PXDC1: variants seen among roughly 807,000 people sequenced by gnomAD.
PXDC1 encodes the protein PX domain-containing protein 1.
A neutral mutation model predicts 24.4 loss-of-function variants in PXDC1; 13 were observed. The observed-to-expected ratio is 0.53, with a 90% CI of 0.35 to 0.85. The LOEUF is 0.85. Among genes scored for constraint, PXDC1 ranks in the 40% least tolerant of loss-of-function variants. The pLI is 0.01. For missense variants in PXDC1, 344 were observed against 309.3 expected (o/e 1.11, Z -0.84); for synonymous variants, 162 against 124.9 (o/e 1.30, Z -1.98).
At chr6:3,733,386 T>C (rs970486529) in intron 3 of PXDC1, among the ~76,000 whole-genome samples, 21 of 152,132 alleles carry the variant, frequency 1.4e-4, no homozygotes, top group Admixed American at 1.2e-3. Flanking sequence ...TTATTGTCAA[T>C]AGTAATTTCA....
chr6:3,738,916 A>G, intron 1 of PXDC1: 1 of 1,302,400 alleles, frequency 7.7e-7, no homozygotes. Context: ...GTAGGTGCCC[A>G]AGGACACTGG....
chr6:3,732,093 T>TC (rs1276037528), intron 3 of PXDC1, among the ~76,000 whole-genome samples: 1 of 152,276 alleles, frequency 6.6e-6, no homozygotes, highest in Admixed American at 6.5e-5. Context: ...AATCAATGGA[T>TC]CTTTTTTGCA....
chr6:3,736,529 G>T (rs1760320476), intron 3 of PXDC1, among the ~76,000 whole-genome samples: 1 of 152,154 alleles, frequency 6.6e-6, no homozygotes, highest in Non-Finnish European at 1.5e-5. Context: ...AAATAGTGCT[G>T]CAAAAAGCAA....
chr6:3,734,571 A>G (rs226969), intron 3 of PXDC1, among the ~76,000 whole-genome samples: 19,064 of 152,152 alleles, frequency 0.13, 2,043 homozygotes, highest in East Asian at 0.26. Context: ...ATAGACACCC[A>G]GCCAGGAAAA....
intron 1 of PXDC1, among the ~76,000 whole-genome samples, chr6:3,750,707 T>C (rs950686154): frequency 5.3e-5 from 8 of 152,102 alleles, no homozygotes; most frequent in African/African-American, 1.9e-4. Flanking sequence ...GGGCCCTGGC[T>C]GTCCGCGGCA....
intron 1 of PXDC1, among the ~76,000 whole-genome samples, chr6:3,747,580 G>A (rs113460093): frequency 1.3e-5 from 2 of 152,012 alleles, no homozygotes; most frequent in Non-Finnish European, 2.9e-5. Flanking sequence ...GCCTAGAATC[G>A]ACTTCCCCAG....
chr6:3,749,251 C>T (rs1357958546), intron 1 of PXDC1, among the ~76,000 whole-genome samples: 1 of 150,896 alleles, frequency 6.6e-6, no homozygotes, highest in Non-Finnish European at 1.5e-5. Flanking sequence ...CCAACAGTTC[C>T]ACGGTGTGCT....
intron 1 of PXDC1, among the ~76,000 whole-genome samples, chr6:3,738,404 G>A (rs891052357): frequency 2.6e-5 from 4 of 152,180 alleles, no homozygotes; most frequent in African/African-American, 9.7e-5. Context: ...GGGGATGGGA[G>A]GTGTAAGATC....
intron 4 of PXDC1, among the ~76,000 whole-genome samples, chr6:3,726,691 A>G (rs898179885): frequency 6.6e-6 from 1 of 152,154 alleles, no homozygotes; most frequent in African/African-American, 2.4e-5. Context: ...CTCTAGTTTC[A>G]ATCTGCTGCT....
chr6:3,730,184 A>G (rs527770842), intron 3 of PXDC1, among the ~76,000 whole-genome samples: 33 of 152,292 alleles, frequency 2.2e-4, no homozygotes, highest in African/African-American at 7.5e-4. Context: ...TTCACTAAAG[A>G]TGGTCCCTGA....
chr6:3,738,114 C>A lies in PXDC1; in HGVS notation c.291G>T (p.Glu97Asp). 1 of 1,614,154 alleles carries A rather than the reference C, an allele frequency of 6.2e-7. No homozygotes were observed. Among genetic ancestry groups the A allele is most frequent in the Non-Finnish European group, 8.5e-7 (1 of 1,180,024 alleles). Residue 97 changes from glutamate (E) to aspartate (D), a missense_variant, in exon 2 of 5, where the codon GAG (glutamate) becomes GAT (aspartate). Glu to Asp is a conservative substitution (Grantham distance 45, BLOSUM62 2). Coordinates refer to ENST00000380283, the MANE Select transcript of PXDC1 (RefSeq NM_183373.4). ...GCTTCTCCACCTCATTAAGCCTGGT[C>A]TCTATGTCGTGGGCTTCCTTTATGG... is the stretch of plus-strand genomic sequence containing the variant. ...LVAIKEAHDI[E>D]TRLNEVEKLL...
chr6:3,745,525 A>T (rs1344521129), intron 1 of PXDC1, among the ~76,000 whole-genome samples: 1 of 152,210 alleles, frequency 6.6e-6, no homozygotes, highest in African/African-American at 2.4e-5. Context: ...GCCAGCATCC[A>T]ATCCCCTAAC....
intron 1 of PXDC1, among the ~76,000 whole-genome samples, chr6:3,741,702 T>C (rs999699220): frequency 1.3e-5 from 2 of 152,142 alleles, no homozygotes; most frequent in African/African-American, 4.8e-5. Context: ...CCACCAGAGC[T>C]CCAGAGCACG....
intron 1 of PXDC1, among the ~76,000 whole-genome samples, chr6:3,749,403 T>C (rs6914973): frequency 0.46 from 69,349 of 149,784 alleles, 17,370 homozygotes; most frequent in Middle Eastern, 0.56. Context: ...CTGAGCCTTT[T>C]CTCCACGGTA....
chr6:3,742,059 T>C (rs1030043773), intron 1 of PXDC1, among the ~76,000 whole-genome samples: 1 of 152,238 alleles, frequency 6.6e-6, no homozygotes, highest in Non-Finnish European at 1.5e-5. Context: ...GCTGCCAGCA[T>C]GCCAAATTAC....
Position 3,722,907 on chromosome 6 carries a change from CG to C in PXDC1, c.*711del, listed in dbSNP as rs1759970901. 9.1e-6 allele frequency: 1 copy of C among 109,494 alleles called. No homozygotes were observed. The highest frequency in any genetic ancestry group is 2.7e-5 in the African/African-American group (1 of 36,768). 6.8% of individuals were successfully genotyped at this position (109,494 alleles called of 1,614,324 possible). A position where few individuals can be genotyped will look rare whatever the true frequency, so the allele number is the denominator to read the frequency against. The stretch of plus-strand genomic sequence containing the variant: ...CTGAAGGCCCAGAGACCTGGCAGGC[CG>C]GGAAGAAATTCCTTTCCTTTGGGAA... On this transcript the variant is annotated 3_prime_UTR_variant, in exon 5 of 5. Transcript: ENST00000380283.
In PXDC1 at chr6:3,751,660, A is replaced by C. The variant is rs1760729291; in HGVS notation, c.-129T>G. 3 of 1,279,392 alleles carry C rather than the reference A, an allele frequency of 2.3e-6. No homozygotes were observed. Among genetic ancestry groups the C allele is most frequent in the Non-Finnish European group, 3.0e-6 (3 of 1,012,950 alleles). 79.3% of individuals were successfully genotyped at this position (1,279,392 alleles called of 1,614,324 possible). The stretch of plus-strand genomic sequence containing the variant: ...TCGTCCGGGGTCGGCCCGTCACTCC[A>C]AGGAGGCTGCGTATGGCCCGCGTTC... On this transcript the variant is annotated 5_prime_UTR_variant, in exon 1 of 5. Coordinates refer to ENST00000380283, the MANE Select transcript of PXDC1 (RefSeq NM_183373.4).
chr6:3,727,014 G>C (rs1432868618), intron 4 of PXDC1, among the ~76,000 whole-genome samples: 2 of 152,242 alleles, frequency 1.3e-5, no homozygotes, highest in Non-Finnish European at 2.9e-5. Flanking sequence ...AATTCACCAA[G>C]AAGATGCCTG....
Position 3,737,579 on chromosome 6 carries a change from T to G in PXDC1, c.349-383A>C. The G allele has an allele frequency of 1.2e-6, 1 of 833,778 alleles. No individual in the cohort carries two copies. Among genetic ancestry groups the G allele is most frequent in the Non-Finnish European group, 1.4e-6 (1 of 691,310 alleles). 51.6% of individuals were successfully genotyped at this position (833,778 alleles called of 1,614,324 possible). ...GGTCTGCCTGGCGCTCAAGTCCAGG[T>G]TCTTAACCACCACTCACGACGAAGC... On this transcript the variant is annotated intron_variant, in intron 2 of 4. Transcript: ENST00000380283. This position sits in a 1 kb window ranked among gnomAD's most constrained non-coding sequence, Gnocchi z 5.5.
Sources: gnomAD v4.1 joint callset for allele counts (sites outside exome capture counted in the v4.1 genomes callset) on GRCh38, gnomAD v4.1.1 for gene constraint, Gnocchi (gnomAD v3.1) non-coding constraint, MANE v1.5 for transcripts, NCBI Gene and HGNC (gene_info 2026-07-23, HGNC 2026-07-21) for gene names.